Variants in CENPI observed in about 807,000 individuals in gnomAD.
CENPI encodes FSH primary response 1.
Under a neutral mutation model 60.4 loss-of-function variants are expected in CENPI, and 4 were observed. The ratio of observed to expected loss-of-function variants is 0.07; its 90% confidence interval spans 0.03 to 0.15. CENPI has a LOEUF of 0.15. Among genes scored for constraint, CENPI ranks in the 10% least tolerant of loss-of-function variants. CENPI has a pLI of 1.00. For synonymous variants in CENPI, 157 were observed against 189.4 expected (o/e 0.83, Z 1.40); for missense variants, 444 against 534.5 (o/e 0.83, Z 1.67).
At chrX:101,167,202 G>A (rs1372803690), downstream of CENPI, among the ~76,000 whole-genome samples, 1 of 112,486 alleles carries the variant, frequency 8.9e-6, no homozygotes, top group African/African-American at 3.2e-5. Flanking sequence ...TTCTTACTGA[G>A]ATAATTTGCA....
chrX:101,179,694 T>C, the CENPI span, among the ~76,000 whole-genome samples: 1 of 111,561 alleles, frequency 9.0e-6, no homozygotes, highest in Non-Finnish European at 1.9e-5. Context: ...TAATTTTTTG[T>C]ATTTTTTAGT....
At chrX:101,168,419 A>G (rs1450775669), downstream of CENPI, among the ~76,000 whole-genome samples, 2 of 111,868 alleles carry the variant, frequency 1.8e-5, no homozygotes, top group Non-Finnish European at 3.8e-5. Context: ...TGCAAAAATT[A>G]GCTGAGCATG....
At chrX:101,147,288 A>G (rs747359330) in intron 18 of CENPI, among the ~76,000 whole-genome samples, 1 of 109,959 alleles carries the variant, frequency 9.1e-6, no homozygotes, top group Non-Finnish European at 1.9e-5. Context: ...ACATAGGTAT[A>G]CATGTGCCAT....
intron 16 of CENPI, among the ~76,000 whole-genome samples, chrX:101,143,703 A>G (rs2089936737): frequency 1.8e-5 from 2 of 111,498 alleles, no homozygotes; most frequent in Admixed American, 1.9e-4. Context: ...TAATTTTTGT[A>G]TTTTTAGTAG....
At chrX:101,147,681 GT>G (rs1049757991) in intron 18 of CENPI, 81 bp from the exon 19 acceptor site, 14 of 747,902 alleles carry the variant, frequency 1.9e-5, no homozygotes, top group Non-Finnish European at 2.6e-5. Context: ...TAAAATGTAT[GT>G]TTTTTTTAAA....
intron 13 of CENPI, among the ~76,000 whole-genome samples, chrX:101,131,199 C>T (rs1370219379): frequency 1.8e-5 from 2 of 110,270 alleles, no homozygotes; most frequent in Non-Finnish European, 3.8e-5. Context: ...TTTGTAAAAA[C>T]GGGGATTTAC....
At chrX:101,108,935 C>A (rs1374623391) in intron 4 of CENPI, among the ~76,000 whole-genome samples, 13 of 111,433 alleles carry the variant, frequency 1.2e-4, no homozygotes, top group Middle Eastern at 9.2e-3. Context: ...GCATGAGCCA[C>A]TGTGCCTAAC....
At chrX:101,116,161 G>A (rs1423186025) in intron 6 of CENPI, among the ~76,000 whole-genome samples, 3 of 111,576 alleles carry the variant, frequency 2.7e-5, no homozygotes. Context: ...TATTTACATA[G>A]CATTTGCATT....
rs188151999 is a variant in CENPI at position 101,126,109 on chromosome X, C to A, written c.688-600C>A. Among the ~76,000 whole-genome samples the A allele has an allele frequency of 4.6e-3, 517 of 112,167 alleles. 2 individuals carry two copies. Among genetic ancestry groups the A allele is most frequent in the African/African-American group, 0.016 (496 of 30,985 alleles). ...TCAATAAAATTTTAGTATAATAAAA[C>A]AATTTGGTTACTTCCTTAGAATTCA... On this transcript the variant is annotated intron_variant, in intron 8 of 21. Transcript: ENST00000682095.
chrX:101,136,185 G>T (rs925246640), intron 15 of CENPI, among the ~76,000 whole-genome samples: 4 of 112,403 alleles, frequency 3.6e-5, no homozygotes, highest in African/African-American at 9.7e-5. Context: ...AGGCGGGATA[G>T]ATATGGAAAT....
At chrX:101,144,089 T>G (rs1665102623) in intron 16 of CENPI, among the ~76,000 whole-genome samples, 1 of 97,140 alleles carries the variant, frequency 1.0e-5, no homozygotes, top group Admixed American at 1.2e-4. Flanking sequence ...TTCTTTTTCT[T>G]TTTTTTTTTT....
intron 3 of CENPI, 53 bp downstream of exon 3, chrX:101,101,349 A>G (rs2089414523): frequency 3.3e-6 from 3 of 901,956 alleles, no homozygotes; most frequent in Non-Finnish European, 4.7e-6. Context: ...AAAATATTCT[A>G]GTCTTTTTTT....
At chrX:101,127,747 G>C in intron 11 of CENPI, 82 bp downstream of exon 11, 5 of 829,768 alleles carry the variant, frequency 6.0e-6, no homozygotes, top group Non-Finnish European at 8.5e-6. Context: ...TGTTTGTTTT[G>C]TTTTTTTGAG....
At chrX:101,160,814 TAAAC>T (rs1384243462) in intron 20 of CENPI, among the ~76,000 whole-genome samples, 1 of 111,926 alleles carries the variant, frequency 8.9e-6, no homozygotes, top group Non-Finnish European at 1.9e-5. Context: ...ATTTGATCAT[TAAAC>T]AAAGTATACA....
intron 21 of CENPI, among the ~76,000 whole-genome samples, chrX:101,162,386 C>T (rs1470684488): frequency 1.0e-5 from 1 of 99,554 alleles, no homozygotes; most frequent in East Asian, 3.1e-4. Context: ...GCTGGGAAGT[C>T]GAGGCTACAA....
intron 15 of CENPI, among the ~76,000 whole-genome samples, chrX:101,140,201 G>C (rs1452534276): frequency 9.0e-6 from 1 of 111,619 alleles, no homozygotes; most frequent in Non-Finnish European, 1.9e-5. Flanking sequence ...AGAAAAGAAA[G>C]ACTAGAATTG....
At chrX:101,160,375 C>CT (rs763855508) in intron 20 of CENPI, among the ~76,000 whole-genome samples, 248 of 81,375 alleles carry the variant, frequency 3.0e-3, no homozygotes, top group African/African-American at 3.6e-3. Context: ...GCTTTTAGTT[C>CT]TTTTTTTTTT....
the CENPI span, among the ~76,000 whole-genome samples, chrX:101,179,953 T>C: frequency 4.5e-5 from 5 of 112,205 alleles, no homozygotes; most frequent in Non-Finnish European, 7.5e-5. Flanking sequence ...CTGTCAGTAA[T>C]GTATGAGGCT....
Position 101,162,835 on chromosome X carries a change from A to T in CENPI, c.2139A>T (p.Gly713=). 2 of 1,210,531 alleles carry T rather than the reference A, an allele frequency of 1.7e-6. No homozygotes were observed. The highest frequency in any genetic ancestry group is 3.5e-5 in the South Asian group (2 of 56,839). The change falls in exon 22 of 22, where the codon GGA becomes GGT. Residue 713 remains glycine, a splice_region_variant and synonymous_variant. Coordinates refer to ENST00000682095, the MANE Select transcript of CENPI (RefSeq NM_001386188.2). ...TTTTCCTTTTTCTGTGCCTGCAGGGAAAGAAATGGAGCTGGTATTTGGACT... is the reference window on the plus strand; with the variant it reads ...TTTTCCTTTTTCTGTGCCTGCAGGGTAAGAAATGGAGCTGGTATTTGGACT... The part of the protein sequence containing the change: ...ERTVNVSSIR[G]KKWSWYLDYL...
Sources: gnomAD v4.1 joint callset for allele counts (sites outside exome capture counted in the v4.1 genomes callset) on GRCh38, gnomAD v4.1.1 for gene constraint, MANE v1.5 for transcripts, NCBI Gene and HGNC (gene_info 2026-07-23, HGNC 2026-07-21) for gene names.